ANKRD44: variants seen among roughly 807,000 people sequenced by gnomAD.
The protein encoded by ANKRD44 is serine/threonine-protein phosphatase 6 regulatory ankyrin repeat subunit B.
In ANKRD44, 35 loss-of-function variants were observed where a neutral mutation model predicts 116.0. The ratio of observed to expected loss-of-function variants is 0.30; its 90% CI spans 0.23 to 0.40. The LOEUF is 0.40. Ranked by LOEUF, ANKRD44 falls within the 10% of genes least tolerant of loss-of-function variation. The pLI, the probability that ANKRD44 is intolerant of heterozygous loss-of-function variation, is 1.00. For synonymous variants in ANKRD44, 435 were observed against 461.8 expected, an observed-to-expected ratio of 0.94 and a Z score of 0.74; for missense variants, 1,014 against 1,242.6, an observed-to-expected ratio of 0.82 and a Z score of 2.77.
chr2:197,294,176 A>C (rs1351515766), intron 1 of ANKRD44, among the ~76,000 whole-genome samples: 1 of 152,210 alleles, frequency 6.6e-6, no homozygotes, highest in Non-Finnish European at 1.5e-5. Context: ...CAGACAGCTT[A>C]GGTACTCGGT....
At chr2:197,179,792 C>G (rs1353834433) in intron 2 of ANKRD44, among the ~76,000 whole-genome samples, 1 of 152,194 alleles carries the variant, frequency 6.6e-6, no homozygotes, top group African/African-American at 2.4e-5. Context: ...CCAGACCTGC[C>G]TTTGCACATT....
At chr2:197,127,865 A>G (rs990922523) in intron 4 of ANKRD44, among the ~76,000 whole-genome samples, 4 of 151,976 alleles carry the variant, frequency 2.6e-5, no homozygotes, top group African/African-American at 9.7e-5. Context: ...TCCTTCTCAC[A>G]TGTCCCTCTG....
At chr2:197,250,236 C>G (rs1412922289) in intron 1 of ANKRD44, among the ~76,000 whole-genome samples, 1 of 152,154 alleles carries the variant, frequency 6.6e-6, no homozygotes, top group Non-Finnish European at 1.5e-5. Flanking sequence ...TGCAAGATAG[C>G]TGCAGTAACA....
At chr2:197,025,298 T>C (rs1191571014) in intron 16 of ANKRD44, 31 bp from the exon 17 acceptor site, 2 of 1,586,736 alleles carry the variant, frequency 1.3e-6, no homozygotes, top group South Asian at 2.2e-5. Context: ...CAATAGTACG[T>C]GAGTCCAAAT....
At chr2:197,246,322 G>A (rs1019917728) in intron 1 of ANKRD44, among the ~76,000 whole-genome samples, 1 of 132,220 alleles carries the variant, frequency 7.6e-6, no homozygotes, top group Non-Finnish European at 1.6e-5. Context: ...ATGTAGCTAG[G>A]ACTACAAGTA....
intron 11 of ANKRD44, among the ~76,000 whole-genome samples, chr2:197,089,043 G>T (rs2077986372): frequency 6.6e-6 from 1 of 152,316 alleles, no homozygotes; most frequent in South Asian, 2.1e-4. Flanking sequence ...TCCCAGGATA[G>T]AAATTTATGA....
chr2:197,308,203 G>C (rs1272420132), intron 1 of ANKRD44, among the ~76,000 whole-genome samples: 1 of 151,734 alleles, frequency 6.6e-6, no homozygotes, highest in African/African-American at 2.4e-5. Flanking sequence ...AAATTAAGAA[G>C]TGGTTGTTTT....
At chr2:197,007,353 C>A (rs2076219238) in intron 20 of ANKRD44, among the ~76,000 whole-genome samples, 1 of 152,042 alleles carries the variant, frequency 6.6e-6, no homozygotes, top group Non-Finnish European at 1.5e-5. Context: ...TCAGTATTCT[C>A]TTTTTAAAAT....
chr2:197,236,922 T>C (rs2081991234), intron 1 of ANKRD44, among the ~76,000 whole-genome samples: 2 of 152,030 alleles, frequency 1.3e-5, no homozygotes, highest in Admixed American at 6.5e-5. Context: ...TCCAGAAATA[T>C]TAGAGGAAAA....
At chr2:197,189,786 T>C (rs2125614516) in intron 1 of ANKRD44, among the ~76,000 whole-genome samples, 1 of 152,282 alleles carries the variant, frequency 6.6e-6, no homozygotes, top group South Asian at 2.1e-4. Context: ...CAGTTAAGAT[T>C]CCGGGGAACA....
At chr2:197,086,003 T>C (rs1043439765) in intron 13 of ANKRD44, among the ~76,000 whole-genome samples, 1 of 151,996 alleles carries the variant, frequency 6.6e-6, no homozygotes, top group Non-Finnish European at 1.5e-5. Context: ...AAGAGGGGCA[T>C]GCCATCGGTG....
intron 16 of ANKRD44, among the ~76,000 whole-genome samples, chr2:197,064,082 A>G (rs1056913458): frequency 1.9e-4 from 29 of 152,274 alleles, no homozygotes; most frequent in African/African-American, 6.8e-4. Context: ...AGGGAAGCCC[A>G]TCAGACTAAC....
chr2:197,002,064 C>T (rs139827307), intron 21 of ANKRD44, among the ~76,000 whole-genome samples: 6 of 152,248 alleles, frequency 3.9e-5, no homozygotes, highest in Admixed American at 1.3e-4. Flanking sequence ...GTCATATGGT[C>T]TGGTGAAGAG....
At chr2:197,166,510 G>C (rs912127651) in intron 2 of ANKRD44, among the ~76,000 whole-genome samples, 2 of 152,190 alleles carry the variant, frequency 1.3e-5, no homozygotes, top group Non-Finnish European at 2.9e-5. Flanking sequence ...TATGTGATAA[G>C]GATATGGCTA....
chr2:197,275,205 C>T (rs946277306), intron 1 of ANKRD44, among the ~76,000 whole-genome samples: 6 of 151,772 alleles, frequency 4.0e-5, no homozygotes, highest in African/African-American at 7.3e-5. Flanking sequence ...GCCTCAACCT[C>T]GCGGGCTCAA....
At chr2:197,294,706 T>G (rs2083668923) in intron 1 of ANKRD44, among the ~76,000 whole-genome samples, 1 of 152,228 alleles carries the variant, frequency 6.6e-6, no homozygotes, top group South Asian at 2.1e-4. Flanking sequence ...CTTTAAGATT[T>G]ATTTTTAATT....
At chr2:197,286,008 C>CA (rs1286060572) in intron 1 of ANKRD44, among the ~76,000 whole-genome samples, 2 of 152,294 alleles carry the variant, frequency 1.3e-5, no homozygotes, top group African/African-American at 4.8e-5. Flanking sequence ...ACAATGGTAC[C>CA]ACCCAATTTA....
At chr2:197,083,563 T>G in intron 13 of ANKRD44, 54 bp from the exon 14 acceptor site, 4 of 1,572,150 alleles carry the variant, frequency 2.5e-6, no homozygotes, top group Non-Finnish European at 3.5e-6. Context: ...ACAGGCCTGT[T>G]GTTGGCACTA....
rs1003025867 is a variant in ANKRD44 at position 197,147,945 on chromosome 2, G to A, written c.112-840C>T. The A allele has an allele frequency of 1.6e-5, 7 of 450,612 alleles. No individual in the cohort carries two copies. The Admixed American group carries it at 1.7e-4, about 11-fold the overall frequency. The allele number at this position is 450,612 out of a possible 1,614,324, so 27.9% of individuals were successfully genotyped here. A position where few individuals can be genotyped will look rare whatever the true frequency, so the allele number is the denominator to read the frequency against. ...TTAAAATTTCCTCAAGATTCCACAG[G>A]TATATAGCACAGTCAAGATCTGACC... On this transcript the variant is annotated intron_variant, in intron 2 of 27. Coordinates refer to ENST00000282272, the MANE Select transcript of ANKRD44 (RefSeq NM_001195144.2).
Sources: allele counts gnomAD v4.1 joint callset (sites outside exome capture counted in the v4.1 genomes callset), GRCh38; gene constraint gnomAD v4.1.1; transcripts MANE v1.5; gene names NCBI Gene and HGNC (gene_info 2026-07-23, HGNC 2026-07-21).